The following DOCK2 variants were observed in gnomAD, a reference collection of about 807,000 sequenced individuals.
DOCK2 encodes the protein dedicator of cytokinesis 2, also known as dedicator of cytokinesis protein 2.
Under a neutral mutation model 248.9 loss-of-function variants are expected in DOCK2, and 87 were observed. The ratio of observed to expected loss-of-function variants is 0.35; its 90% confidence interval spans 0.29 to 0.42. The LOEUF is 0.42. Ranked by LOEUF, DOCK2 falls within the 10% of genes least tolerant of loss-of-function variation. The pLI, the probability that DOCK2 is intolerant of heterozygous loss-of-function variation, is 1.00. For missense variants in DOCK2, 1,747 were observed against 2,300.2 expected (o/e 0.76, Z 4.92); for synonymous variants, 805 against 821.6 (o/e 0.98, Z 0.35).
chr5:170,027,639 T>G (rs1035918278), intron 33 of DOCK2, among the ~76,000 whole-genome samples: 1 of 152,108 alleles, frequency 6.6e-6, no homozygotes, highest in Non-Finnish European at 1.5e-5. Context: ...GCACGTGCTC[T>G]CTCTCTCTCT....
At chr5:169,757,954 C>T (rs9313471) in intron 23 of DOCK2, among the ~76,000 whole-genome samples, 30,075 of 152,044 alleles carry the variant, frequency 0.2, 4,833 homozygotes, top group African/African-American at 0.41. Context: ...CTGTATCTTC[C>T]AAGGTAATTG....
chr5:169,902,219 A>G (rs1473238455), intron 27 of DOCK2, among the ~76,000 whole-genome samples: 1 of 152,228 alleles, frequency 6.6e-6, no homozygotes, highest in East Asian at 1.9e-4. Context: ...CCCCTACAAA[A>G]GAGCTGATGA....
At chr5:169,984,023 A>G (rs1260290048) in intron 28 of DOCK2, among the ~76,000 whole-genome samples, 1 of 152,204 alleles carries the variant, frequency 6.6e-6, no homozygotes, top group Admixed American at 6.5e-5. Context: ...TTGATCCTGT[A>G]TGGAAGGAAA....
chr5:169,752,952 G>T (rs909763677), intron 23 of DOCK2, among the ~76,000 whole-genome samples: 2 of 151,912 alleles, frequency 1.3e-5, no homozygotes, highest in African/African-American at 2.4e-5. Flanking sequence ...GTAATCCCAG[G>T]TATTCGGGAG....
chr5:169,742,663 C>T (rs905945885), intron 22 of DOCK2, among the ~76,000 whole-genome samples: 2 of 152,216 alleles, frequency 1.3e-5, no homozygotes, highest in Non-Finnish European at 2.9e-5. Context: ...TTCTGCTCCC[C>T]TGGGATGCTA....
intron 27 of DOCK2, among the ~76,000 whole-genome samples, chr5:169,969,803 G>A (rs538609851): frequency 6.6e-6 from 1 of 152,338 alleles, no homozygotes; most frequent in Non-Finnish European, 1.5e-5. Context: ...ATGAGGCCAG[G>A]CCTTGCCTGC....
At chr5:169,794,740 C>T (rs552613117) in intron 25 of DOCK2, among the ~76,000 whole-genome samples, 6 of 152,052 alleles carry the variant, frequency 3.9e-5, no homozygotes, top group African/African-American at 7.2e-5. Flanking sequence ...CTGGCTAACA[C>T]GGTGAAACCC....
chr5:169,705,419 G>C (rs554874638), intron 14 of DOCK2, among the ~76,000 whole-genome samples: 1 of 152,146 alleles, frequency 6.6e-6, no homozygotes, highest in Admixed American at 6.5e-5. Context: ...GATAGGGGAA[G>C]TATGGGATAG....
chr5:169,846,575 A>T (rs1770319948), intron 27 of DOCK2, among the ~76,000 whole-genome samples: 1 of 149,628 alleles, frequency 6.7e-6, no homozygotes, highest in South Asian at 2.2e-4. Flanking sequence ...GCATGGTTTG[A>T]TAGAAAGTGT....
intron 26 of DOCK2, among the ~76,000 whole-genome samples, chr5:169,808,277 A>C (rs1413444085): frequency 6.6e-6 from 1 of 152,194 alleles, no homozygotes; most frequent in Non-Finnish European, 1.5e-5. Flanking sequence ...TAGCAATTAC[A>C]GTGCAGGATG....
At chr5:169,771,776 A>G (rs997442166) in intron 25 of DOCK2, among the ~76,000 whole-genome samples, 5 of 152,174 alleles carry the variant, frequency 3.3e-5, no homozygotes, top group African/African-American at 1.2e-4. Context: ...ATGTTTTTTT[A>G]GTCAAATTTT....
intron 26 of DOCK2, among the ~76,000 whole-genome samples, chr5:169,826,461 G>C (rs1768866883): frequency 6.6e-6 from 1 of 152,060 alleles, no homozygotes. Context: ...GTAGGGCCTG[G>C]GAGAAATGAA....
intron 25 of DOCK2, among the ~76,000 whole-genome samples, chr5:169,775,794 G>A (rs1765353051): frequency 6.6e-6 from 1 of 151,914 alleles, no homozygotes; most frequent in South Asian, 2.1e-4. Context: ...TGTGACACAG[G>A]CCCTCTCTGG....
intron 27 of DOCK2, chr5:169,882,663 G>A: frequency 6.4e-7 from 1 of 1,552,062 alleles, no homozygotes; most frequent in Non-Finnish European, 8.7e-7. Flanking sequence ...GTCGGCCTTG[G>A]AGGTCGCAGA....
intron 27 of DOCK2, among the ~76,000 whole-genome samples, chr5:169,887,829 A>G (rs1017492321): frequency 2.6e-5 from 4 of 152,174 alleles, no homozygotes; most frequent in African/African-American, 9.7e-5. Flanking sequence ...ATGAAGTTCT[A>G]CTAACGTGCA....
Position 170,045,826 on chromosome 5 carries a change from A to G in DOCK2, c.3887A>G (p.Glu1296Gly). Residue 1296 changes from glutamate to glycine, a missense_variant, in exon 39 of 52, where the codon GAG (glutamate) becomes GGG (glycine). Physicochemically the swap from Glu to Gly is moderately conservative, Grantham distance 98. Transcript: ENST00000520908. ...GYFDKGKMWE[E>G]AISLCKELAE... ...GTGACCTTCCTGTAGATGTGGGAAGAGGCCATAAGTCTGTGCAAGGAGCTG... is the reference window on the plus strand; with the variant it reads ...GTGACCTTCCTGTAGATGTGGGAAGGGGCCATAAGTCTGTGCAAGGAGCTG... 1 of 1,614,128 alleles carries G rather than the reference A, an allele frequency of 6.2e-7. No homozygotes were observed. The highest frequency in any genetic ancestry group is 8.5e-7 in the Non-Finnish European group (1 of 1,180,008).
intron 29 of DOCK2, among the ~76,000 whole-genome samples, chr5:169,993,892 C>T (rs1326452362): frequency 1.3e-5 from 2 of 151,580 alleles, no homozygotes; most frequent in African/African-American, 2.4e-5. Context: ...AATAACCCAA[C>T]CTTCTTGTTC....
chr5:169,881,470 A>G (rs1318790743), intron 27 of DOCK2: 3 of 1,543,220 alleles, frequency 1.9e-6, no homozygotes, highest in Non-Finnish European at 1.8e-6. Flanking sequence ...TGCTGGATAA[A>G]TCTATGGGCA....
intron 22 of DOCK2, among the ~76,000 whole-genome samples, chr5:169,721,674 A>G (rs1027381777): frequency 4.6e-5 from 7 of 152,048 alleles, no homozygotes; most frequent in Non-Finnish European, 1.0e-4. Context: ...AGCTCCCATT[A>G]TTTGTTCCCT....
Sources: gnomAD v4.1 joint callset for allele counts (sites outside exome capture counted in the v4.1 genomes callset) on GRCh38, gnomAD v4.1.1 for gene constraint, MANE v1.5 for transcripts, NCBI Gene and HGNC (gene_info 2026-07-23, HGNC 2026-07-21) for gene names.